The following FTO variants were observed in gnomAD, a reference collection of about 807,000 sequenced individuals.
The protein encoded by FTO is alpha-ketoglutarate-dependent dioxygenase FTO.
A neutral mutation model predicts 63.9 loss-of-function variants in FTO; 47 were observed. The observed-to-expected ratio is 0.74, with a 90% CI of 0.58 to 0.94. FTO has a LOEUF of 0.94. FTO is among the 40% of genes least tolerant of loss of function. The pLI is 0.00. For synonymous variants in FTO, 207 were observed against 224.4 expected (o/e 0.92, Z 0.69); for missense variants, 562 against 618.1 (o/e 0.91, Z 0.96).
chr16:53,909,666 C>T (rs142125620), intron 7 of FTO, among the ~76,000 whole-genome samples: 94 of 149,106 alleles, frequency 6.3e-4, no homozygotes, highest in African/African-American at 2.2e-3. Context: ...CAGGTTCAAG[C>T]GATTCTTCTG....
intron 8 of FTO, among the ~76,000 whole-genome samples, chr16:53,944,398 A>G (rs1446318472): frequency 6.6e-6 from 1 of 152,234 alleles, no homozygotes; most frequent in Non-Finnish European, 1.5e-5. Flanking sequence ...ACCAGTAGAT[A>G]GGTAGCTATT....
intron 8 of FTO, among the ~76,000 whole-genome samples, chr16:53,960,892 A>T (rs2083063058): frequency 1.3e-5 from 2 of 152,286 alleles, no homozygotes; most frequent in Non-Finnish European, 2.9e-5. Context: ...TATGGGTGGC[A>T]TGGTTTCTAA....
intron 8 of FTO, among the ~76,000 whole-genome samples, chr16:54,002,844 A>G (rs538737491): frequency 6.6e-6 from 1 of 152,346 alleles, no homozygotes; most frequent in East Asian, 1.9e-4. Context: ...TCTGGAAAAT[A>G]GTGTAGAAGA....
intron 1 of FTO, among the ~76,000 whole-genome samples, chr16:53,715,041 C>T (rs2075862226): frequency 6.6e-6 from 1 of 152,162 alleles, no homozygotes; most frequent in African/African-American, 2.4e-5. Flanking sequence ...GATACTAATC[C>T]TCTGTAAAAT....
chr16:53,750,279 C>T (rs532871801), intron 1 of FTO, among the ~76,000 whole-genome samples: 1 of 151,496 alleles, frequency 6.6e-6, no homozygotes, highest in Admixed American at 6.6e-5. Flanking sequence ...ACTCTGTTTC[C>T]CAGGCTGGAG....
intron 3 of FTO, among the ~76,000 whole-genome samples, chr16:53,843,940 A>G (rs1186645114): frequency 6.6e-6 from 1 of 152,112 alleles, no homozygotes; most frequent in Non-Finnish European, 1.5e-5. Context: ...GTGAGCCTCT[A>G]CACCTGGCCT....
chr16:53,834,313 C>T (rs150966510), intron 3 of FTO, among the ~76,000 whole-genome samples: 4 of 152,264 alleles, frequency 2.6e-5, no homozygotes, highest in African/African-American at 4.8e-5. Context: ...CGTGAGCCAC[C>T]GCGCCCGGCC....
At chr16:53,884,262 A>G (rs2080938328) in intron 6 of FTO, among the ~76,000 whole-genome samples, 1 of 152,208 alleles carries the variant, frequency 6.6e-6, no homozygotes, top group Admixed American at 6.5e-5. Flanking sequence ...ATGTTATTAA[A>G]TGGCCCACTT....
At chr16:54,013,736 G>A (rs946266139) in intron 8 of FTO, among the ~76,000 whole-genome samples, 13 of 152,144 alleles carry the variant, frequency 8.5e-5, no homozygotes, top group South Asian at 2.1e-4. Context: ...TTTAGCAATC[G>A]AGTATTTTTA....
chr16:53,882,537 T>C (rs2080866116), intron 6 of FTO, among the ~76,000 whole-genome samples: 1 of 152,140 alleles, frequency 6.6e-6, no homozygotes, highest in Admixed American at 6.5e-5. Flanking sequence ...CTGCAAAGGC[T>C]GTGTGGTGGG....
chr16:54,062,068 G>A (rs913311976), intron 8 of FTO, among the ~76,000 whole-genome samples: 2 of 152,140 alleles, frequency 1.3e-5, no homozygotes, highest in African/African-American at 2.4e-5. Context: ...CAGGCATCAC[G>A]TTGCTGTCAA....
At chr16:53,805,443 GTTTTTT>G (rs10552956) in intron 1 of FTO, among the ~76,000 whole-genome samples, 5 of 109,644 alleles carry the variant, frequency 4.6e-5, no homozygotes, top group Admixed American at 9.0e-5. Flanking sequence ...TTGAGTTGTG[GTTTTTT>G]TTTTTTTTTT....
intron 5 of FTO, among the ~76,000 whole-genome samples, chr16:53,877,989 A>G (rs538065174): frequency 6.6e-6 from 1 of 152,284 alleles, no homozygotes; most frequent in East Asian, 1.9e-4. Context: ...AACTTTCTAG[A>G]TAGAAGTCAT....
At chr16:53,717,138 T>C (rs1227840586) in intron 1 of FTO, among the ~76,000 whole-genome samples, 1 of 151,954 alleles carries the variant, frequency 6.6e-6, no homozygotes, top group Non-Finnish European at 1.5e-5. Context: ...CTTTGGAATG[T>C]TTCATAGGGT....
At chr16:54,027,496 T>C (rs1388855094) in intron 8 of FTO, among the ~76,000 whole-genome samples, 1 of 78,180 alleles carries the variant, frequency 1.3e-5, no homozygotes, top group African/African-American at 4.7e-5. Context: ...TTTTATTCCT[T>C]TTCTTAGGAA....
At chr16:53,878,143 C>T (rs192669488) in intron 5 of FTO, among the ~76,000 whole-genome samples, 1 of 150,466 alleles carries the variant, frequency 6.6e-6, no homozygotes, top group East Asian at 1.9e-4. Flanking sequence ...ACTAAAAATA[C>T]AAAAATTAGC....
At chr16:53,950,176 A>AAAAAAAAAAAAAAAC (rs2082754499) in intron 8 of FTO, among the ~76,000 whole-genome samples, 1 of 147,634 alleles carries the variant, frequency 6.8e-6, no homozygotes, top group Non-Finnish European at 1.5e-5. Flanking sequence ...AAAAAAAAAA[A>AAAAAAAAAAAAAAAC]AAACTTAATC....
chr16:54,018,696 A>C (rs1182970503), intron 8 of FTO, among the ~76,000 whole-genome samples: 1 of 152,132 alleles, frequency 6.6e-6, no homozygotes, highest in African/African-American at 2.4e-5. Flanking sequence ...TTCCCCCTTT[A>C]CTGGGTTCTC....
chr16:54,020,458 A>G (rs1243600436), intron 8 of FTO, among the ~76,000 whole-genome samples: 1 of 152,232 alleles, frequency 6.6e-6, no homozygotes, highest in Admixed American at 6.5e-5. Context: ...TTACAGTTTC[A>G]TAAGGATTTT....
Sources: gnomAD v4.1 joint callset for allele counts (sites outside exome capture counted in the v4.1 genomes callset) on GRCh38, gnomAD v4.1.1 for gene constraint, MANE v1.5 for transcripts, NCBI Gene and HGNC (gene_info 2026-07-23, HGNC 2026-07-21) for gene names.